Variants in SVEP1 observed in about 807,000 individuals in gnomAD.
The protein encoded by SVEP1 is sushi, von Willebrand factor type A, EGF and pentraxin domain-containing protein 1.
Under a neutral mutation model 367.3 loss-of-function variants are expected in SVEP1, and 164 were observed. The observed-to-expected ratio is 0.45, with a 90% CI of 0.39 to 0.51. SVEP1 has a LOEUF of 0.51. Among genes scored for constraint, SVEP1 ranks in the 20% least tolerant of loss-of-function variants. The pLI is 0.00. For missense variants in SVEP1, 4,117 were observed against 4,425.3 expected (o/e 0.93, Z 1.98); for synonymous variants, 1,666 against 1,611.6 (o/e 1.03, Z -0.81).
Position 110,496,859 on chromosome 9 carries a change from C to G in SVEP1, c.1756G>C (p.Val586Leu). The change falls in exon 8 of 48, where the codon GTT becomes CTT. Residue 586 changes from valine (V) to leucine (L), a missense_variant. This residue lies in a region of SVEP1 where 2,174 missense variants were observed against 2,494.3 expected (regional missense o/e 0.87). Coordinates refer to ENST00000374469, the MANE Select transcript of SVEP1 (RefSeq NM_153366.4). ...TTAGCTGTTGGAATCTGCCAGGTAA[C>G]ATTGGCAGAATCTTGCTGTTCCAGA... ...KTLEQQDSAN[V>L]TWQIPTAKDN... 6.4e-7 allele frequency: 1 copy of G among 1,558,728 alleles called. No homozygotes were observed. The highest frequency in any genetic ancestry group is 8.7e-7 in the Non-Finnish European group (1 of 1,149,794).
intron 28 of SVEP1, among the ~76,000 whole-genome samples, chr9:110,435,852 TC>T (rs1693013815): frequency 1.3e-5 from 2 of 152,186 alleles, no homozygotes; most frequent in Admixed American, 6.5e-5. Context: ...GCTATGTAGT[TC>T]TATTTATCTT....
intron 6 of SVEP1, 32 bp downstream of exon 6, chr9:110,503,006 C>T: frequency 6.3e-7 from 1 of 1,580,548 alleles, no homozygotes; most frequent in Non-Finnish European, 8.6e-7. Context: ...GGAAATGAAT[C>T]ACTCAAGGCA....
chr9:110,481,597 G>A (rs73655374), intron 11 of SVEP1, among the ~76,000 whole-genome samples, 161 bp from the exon 12 acceptor site: 4,277 of 152,190 alleles, frequency 0.028, 190 homozygotes, highest in African/African-American at 0.098. Context: ...GACAACACAT[G>A]CTTTTTGGTT....
At chr9:110,535,258 A>G (rs1564170137) in intron 3 of SVEP1, among the ~76,000 whole-genome samples, 1 of 152,110 alleles carries the variant, frequency 6.6e-6, no homozygotes, top group Non-Finnish European at 1.5e-5. Flanking sequence ...TCCCAGCACA[A>G]TTTATTGAAA....
intron 15 of SVEP1, among the ~76,000 whole-genome samples, chr9:110,471,820 C>A (rs1829022126): frequency 6.6e-6 from 1 of 152,166 alleles, no homozygotes; most frequent in Non-Finnish European, 1.5e-5. Context: ...AAGAACTATA[C>A]AATTTGTTTC....
chr9:110,561,857 G>A (rs765078342), intron 1 of SVEP1, among the ~76,000 whole-genome samples: 1 of 152,062 alleles, frequency 6.6e-6, no homozygotes, highest in Non-Finnish European at 1.5e-5. Flanking sequence ...GTATTTACTT[G>A]GGCTTCATAG....
rs537519041 is a variant in SVEP1 at position 110,433,661 on chromosome 9, A to C, written c.5059+675T>G. Among the ~76,000 whole-genome samples the C allele has an allele frequency of 5.3e-5, 8 of 151,716 alleles. No individual in the cohort carries two copies. In the South Asian group the frequency reaches 1.7e-3, roughly 32 times the overall value. On this transcript the variant is annotated intron_variant, in intron 30 of 47. Transcript: ENST00000374469. The stretch of plus-strand genomic sequence containing the variant: ...CAATTTTTGTATTTTTTGTGGAGAT[A>C]GGGTTTCATCATGTGCCTAGGCTGG...
intron 39 of SVEP1, among the ~76,000 whole-genome samples, chr9:110,403,599 G>C (rs773611082): frequency 6.6e-6 from 1 of 151,334 alleles, no homozygotes; most frequent in African/African-American, 2.4e-5. Flanking sequence ...CACCGTGCCC[G>C]GCCCGATTCC....
At chr9:110,513,891 T>C (rs1173243378) in intron 4 of SVEP1, 57 bp downstream of exon 4, 16 of 1,545,020 alleles carry the variant, frequency 1.0e-5, no homozygotes, top group African/African-American at 1.4e-5. Flanking sequence ...ACAAGCACTA[T>C]TTCTCTCAGA....
intron 4 of SVEP1, 39 bp downstream of exon 4, chr9:110,513,909 G>A (rs2118778138): frequency 6.3e-7 from 1 of 1,585,386 alleles, no homozygotes; most frequent in Non-Finnish European, 8.6e-7. Context: ...AGAGAAATCA[G>A]CTTTTATATT....
intron 45 of SVEP1, among the ~76,000 whole-genome samples, chr9:110,376,566 G>A (rs183772318): frequency 6.6e-6 from 1 of 152,108 alleles, no homozygotes; most frequent in South Asian, 2.1e-4. Context: ...TAAAATTCCT[G>A]CCCTGTAGGA....
intron 16 of SVEP1, 114 bp downstream of exon 16, chr9:110,471,250 A>G (rs2118669075): frequency 2.2e-6 from 2 of 890,086 alleles, no homozygotes; most frequent in South Asian, 2.0e-5. Flanking sequence ...CAACCACACA[A>G]CAAGAGCAAA....
chr9:110,434,619 G>T (rs1181782090), intron 29 of SVEP1, 113 bp from the exon 30 acceptor site: 9 of 538,536 alleles, frequency 1.7e-5, no homozygotes, highest in East Asian at 1.2e-4. Context: ...CCTTACTGAT[G>T]TGAAAACAAG....
chr9:110,475,696 T>G (rs1564153490), intron 14 of SVEP1, among the ~76,000 whole-genome samples: 1 of 151,930 alleles, frequency 6.6e-6, no homozygotes. Context: ...CCACCATGCC[T>G]GGCAAAAAAT....
Position 110,482,482 on chromosome 9 carries a change from C to G in SVEP1, c.2049G>C (p.Leu683Phe). ...CTTGTGTATGACTTCTGGTAATGACCAATTCAGCCCCTGGAAAGGAAAGAA... is the reference window on the plus strand; with the variant it reads ...CTTGTGTATGACTTCTGGTAATGACGAATTCAGCCCCTGGAAAGGAAAGAA... ...PQFSDNSGAE[L>F]VITRSHTQGD... is the part of the protein sequence containing the mutation. The change falls in exon 11 of 48, where the codon TTG (leucine) becomes TTC (phenylalanine). Residue 683 changes from leucine to phenylalanine, a missense_variant. Leu to Phe is a conservative substitution (Grantham distance 22, BLOSUM62 0). This residue lies in a region of SVEP1 where 2,174 missense variants were observed against 2,494.3 expected (regional missense o/e 0.87). Coordinates refer to ENST00000374469, the MANE Select transcript of SVEP1 (RefSeq NM_153366.4). 1 of 1,570,018 alleles carries G rather than the reference C, an allele frequency of 6.4e-7. No individual in the cohort carries two copies. The highest frequency in any genetic ancestry group is 1.2e-5 in the South Asian group (1 of 85,920).
chr9:110,567,519 G>A (rs184004492), intron 1 of SVEP1, among the ~76,000 whole-genome samples: 126 of 152,282 alleles, frequency 8.3e-4, no homozygotes, highest in African/African-American at 2.8e-3. Context: ...AAAAGGCATT[G>A]GTCCTTTCTG....
At position 110,450,127 on chromosome 9, in the gene SVEP1, G is replaced by A. The variant is rs764003194; in HGVS notation, c.4035C>T (p.Asn1345=). Residue 1345 remains asparagine, a synonymous_variant, in exon 24 of 48, where the codon AAC becomes AAT. Transcript: ENST00000374469. ...PGFLGTRCGK[N]VDECLSQPCK... ...ATGGCTGACTGAGACACTCATCGAC[G>A]TTCTTTCCACATCGGGTACCCAAAA... 5 of 1,613,778 alleles carry A rather than the reference G, an allele frequency of 3.1e-6. No homozygotes were observed. The highest frequency in any genetic ancestry group is 3.3e-5 in the Admixed American group (2 of 59,972).
chr9:110,431,992 G>T lies in SVEP1; in HGVS notation c.5276C>A (p.Ala1759Asp). The T allele has an allele frequency of 6.2e-7, 1 of 1,613,436 alleles. No individual in the cohort carries two copies. The highest frequency in any genetic ancestry group is 8.5e-7 in the Non-Finnish European group (1 of 1,179,638). Residue 1759 changes from alanine (A) to aspartate (D), a missense_variant, in exon 32 of 48, where the codon GCT becomes GAT. By Grantham distance (126) the Ala-to-Asp change is moderately radical (BLOSUM62 -2). Transcript: ENST00000374469. ...CAVGSDCSEHASCLNVDGSYI... is the reference protein window; with the variant it reads ...CAVGSDCSEHDSCLNVDGSYI... ...GGATCCATCTACGTTCAGGCAAGAAGCATGCTCACTACAATCTGATCCAAC... is the reference window on the plus strand; with the variant it reads ...GGATCCATCTACGTTCAGGCAAGAATCATGCTCACTACAATCTGATCCAAC...
At position 110,377,248 on chromosome 9, in the gene SVEP1, G is replaced by GTT. The variant is rs1827362813; in HGVS notation, c.10504+22_10504+23insAA. 2.5e-6 allele frequency: 4 copies of GTT among 1,607,368 alleles called. No individual in the cohort carries two copies. In the East Asian group the frequency reaches 8.9e-5, roughly 36 times the overall value. On this transcript the variant is annotated intron_variant, in intron 45 of 47. Transcript: ENST00000374469. The stretch of plus-strand genomic sequence containing the variant: ...TCCAGGCAATTTGTCAGGACTCAAA[G>GTT]TAAGATCTGAAGAGCAACTCACGTT...
Sources: allele counts gnomAD v4.1 joint callset (sites outside exome capture counted in the v4.1 genomes callset), GRCh38; gene constraint gnomAD v4.1.1; regional missense constraint gnomAD v4.1.1; transcripts MANE v1.5; gene names NCBI Gene and HGNC (gene_info 2026-07-23, HGNC 2026-07-21).